The following GFRA1 variants were observed in gnomAD, a reference collection of about 807,000 sequenced individuals.
GFRA1 encodes the protein GDNF family receptor alpha 1.
In GFRA1, 16 loss-of-function variants were observed where a neutral mutation model predicts 51.6. That is an observed-to-expected ratio of 0.31 (90% confidence interval 0.21 to 0.47). GFRA1 has a LOEUF of 0.47. Ranked by LOEUF, GFRA1 falls within the 20% of genes least tolerant of loss-of-function variation. GFRA1 has a pLI of 1.00. For missense variants in GFRA1, 530 were observed against 594.3 expected (o/e 0.89, Z 1.13); for synonymous variants, 270 against 241.3 (o/e 1.12, Z -1.10).
At chr10:116,073,003 C>T (rs1313190607) in intron 9 of GFRA1, among the ~76,000 whole-genome samples, 3 of 152,148 alleles carry the variant, frequency 2.0e-5, no homozygotes, top group African/African-American at 4.8e-5. Flanking sequence ...GTGGGAAATG[C>T]AAAACCTCAC....
chr10:116,259,907 G>A (rs973918002), intron 4 of GFRA1, among the ~76,000 whole-genome samples: 1 of 152,278 alleles, frequency 6.6e-6, no homozygotes, highest in East Asian at 1.9e-4. Context: ...CCAGAAGAAC[G>A]TAAGTCTGTG....
At chr10:116,254,150 G>A (rs1258391117) in intron 4 of GFRA1, among the ~76,000 whole-genome samples, 1 of 151,510 alleles carries the variant, frequency 6.6e-6, no homozygotes, top group African/African-American at 2.4e-5. Flanking sequence ...GTGAAACCCC[G>A]TCTCTACTAA....
intron 4 of GFRA1, among the ~76,000 whole-genome samples, chr10:116,226,217 G>T (rs1425437733): frequency 6.6e-6 from 1 of 152,176 alleles, no homozygotes; most frequent in Non-Finnish European, 1.5e-5. Context: ...GCTGCCCTCT[G>T]CCAACTGGAT....
Position 116,089,788 on chromosome 10 carries a change from C to T in GFRA1, c.1150G>A (p.Glu384Lys), listed in dbSNP as rs1707492258. ...AAAACATGAGTGGGAATTTCATTCT[C>T]AGACCCTGCTGGCCCCAGGGGCTTG... ...KNKPLGPAGS[E>K]NEIPTHVLPP... Residue 384 changes from glutamate (E) to lysine (K), a missense_variant, in exon 9 of 11, where the codon GAG (glutamate) becomes AAG (lysine). By Grantham distance (56) the Glu-to-Lys change is moderately conservative. Transcript: ENST00000355422. 6.2e-7 allele frequency: 1 copy of T among 1,614,182 alleles called. No homozygotes were observed. The highest frequency in any genetic ancestry group is 1.1e-5 in the South Asian group (1 of 91,080).
chr10:116,067,809 C>T (rs1036400356), intron 9 of GFRA1, among the ~76,000 whole-genome samples: 5 of 152,194 alleles, frequency 3.3e-5, no homozygotes, highest in Admixed American at 2.0e-4. Context: ...ACCAGGGAGA[C>T]ACACACAGGT....
chr10:116,150,833 T>C (rs962389579), intron 5 of GFRA1, among the ~76,000 whole-genome samples: 1 of 152,224 alleles, frequency 6.6e-6, no homozygotes, highest in Non-Finnish European at 1.5e-5. Context: ...TTGATGAATC[T>C]GATTTTTTTC....
At chr10:116,255,958 T>C (rs894973951) in intron 4 of GFRA1, among the ~76,000 whole-genome samples, 2 of 152,170 alleles carry the variant, frequency 1.3e-5, no homozygotes, top group African/African-American at 4.8e-5. Flanking sequence ...CATCTACTAT[T>C]CCTGTTTCAT....
At chr10:116,262,826 A>G (rs897765723) in intron 4 of GFRA1, among the ~76,000 whole-genome samples, 4 of 152,198 alleles carry the variant, frequency 2.6e-5, no homozygotes, top group African/African-American at 9.6e-5. Flanking sequence ...CTCAGGGAGC[A>G]GTAATTCTTG....
intron 4 of GFRA1, among the ~76,000 whole-genome samples, chr10:116,251,004 T>C (rs1968299046): frequency 6.6e-6 from 1 of 152,218 alleles, no homozygotes. Context: ...GTCATTTAGG[T>C]CCCAGCTCAA....
At chr10:116,149,791 G>C (rs1260243674) in intron 5 of GFRA1, among the ~76,000 whole-genome samples, 1 of 152,128 alleles carries the variant, frequency 6.6e-6, no homozygotes, top group African/African-American at 2.4e-5. Flanking sequence ...AGGCTGGGTA[G>C]GATATGAGTG....
intron 5 of GFRA1, among the ~76,000 whole-genome samples, chr10:116,200,959 A>G (rs1223148080): frequency 2.0e-5 from 3 of 152,206 alleles, no homozygotes; most frequent in Non-Finnish European, 4.4e-5. Flanking sequence ...AGAAACAACC[A>G]TTATCTTCTG....
At chr10:116,165,607 G>T (rs1319405523) in intron 5 of GFRA1, among the ~76,000 whole-genome samples, 1 of 151,458 alleles carries the variant, frequency 6.6e-6, no homozygotes, top group African/African-American at 2.4e-5. Context: ...GTTTCTAGTT[G>T]TTCTGCCTTG....
At chr10:116,120,750 G>A (rs758036353) in intron 6 of GFRA1, among the ~76,000 whole-genome samples, 7 of 152,206 alleles carry the variant, frequency 4.6e-5, no homozygotes, top group Non-Finnish European at 8.8e-5. Flanking sequence ...TCATGCTTTG[G>A]AAACAATGGC....
intron 6 of GFRA1, among the ~76,000 whole-genome samples, chr10:116,120,971 C>A (rs998554142): frequency 2.0e-5 from 3 of 152,120 alleles, no homozygotes; most frequent in East Asian, 1.9e-4. Context: ...TTGCTTGGCA[C>A]TGGAAGCAGA....
chr10:116,096,673 C>T lies in GFRA1; in HGVS notation c.862G>A (p.Ala288Thr), dbSNP rs748920560. ...LKENYADCLLAYSGLIGTVMT... is the reference protein window; with the variant it reads ...LKENYADCLLTYSGLIGTVMT... Reference sequence around the variant, plus strand: ...ATCTTACCAATAAGCCCCGAGTAGGCGAGGAGGCAGTCAGCGTAGTTTTCC... The same window carrying T: ...ATCTTACCAATAAGCCCCGAGTAGGTGAGGAGGCAGTCAGCGTAGTTTTCC... The change falls in exon 7 of 11, where the codon GCC (alanine) becomes ACC (threonine). Residue 288 changes from alanine (A) to threonine (T), a missense_variant. Physicochemically the swap from Ala to Thr is moderately conservative, Grantham distance 58. Transcript: ENST00000355422. The T allele has an allele frequency of 1.9e-5, 30 of 1,596,556 alleles. No homozygotes were observed. Among genetic ancestry groups the T allele is most frequent in the Middle Eastern group, 1.7e-4 (1 of 6,020 alleles).
intron 4 of GFRA1, among the ~76,000 whole-genome samples, chr10:116,241,447 C>T (rs898878454): frequency 2.1e-4 from 32 of 152,310 alleles, no homozygotes; most frequent in African/African-American, 7.5e-4. Context: ...GTCTCAGAAG[C>T]CTCTGAGCTG....
intron 5 of GFRA1, among the ~76,000 whole-genome samples, chr10:116,158,803 G>A (rs944152588): frequency 6.6e-6 from 1 of 152,202 alleles, no homozygotes; most frequent in African/African-American, 2.4e-5. Flanking sequence ...GGGTCATCCT[G>A]GCTGCAAAGG....
At chr10:116,114,170 G>A (rs921741977) in intron 6 of GFRA1, among the ~76,000 whole-genome samples, 3 of 152,142 alleles carry the variant, frequency 2.0e-5, no homozygotes, top group African/African-American at 7.2e-5. Flanking sequence ...ACCTCTGAGA[G>A]CCCCTTATTC....
At chr10:116,218,257 G>T (rs139514510) in intron 4 of GFRA1, among the ~76,000 whole-genome samples, 1 of 152,218 alleles carries the variant, frequency 6.6e-6, no homozygotes, top group East Asian at 1.9e-4. Context: ...CCACCATTTA[G>T]GGGGCTCAGC....
Sources: allele counts gnomAD v4.1 joint callset (sites outside exome capture counted in the v4.1 genomes callset), GRCh38; gene constraint gnomAD v4.1.1; transcripts MANE v1.5; gene names NCBI Gene and HGNC (gene_info 2026-07-23, HGNC 2026-07-21).